MCU: variants seen among roughly 807,000 people sequenced by gnomAD.
The protein encoded by MCU is calcium uniporter protein, mitochondrial.
Under a neutral mutation model 45.2 loss-of-function variants are expected in MCU, and 12 were observed. The ratio of observed to expected loss-of-function variants is 0.27; its 90% confidence interval spans 0.17 to 0.43. The LOEUF is 0.43. Among genes scored for constraint, MCU ranks in the 20% least tolerant of loss-of-function variants. MCU has a pLI of 1.00. For synonymous variants in MCU, 160 were observed against 165.1 expected (o/e 0.97, Z 0.24); for missense variants, 324 against 436.7 (o/e 0.74, Z 2.30).
At chr10:72,702,777 G>C (rs1842773773) in intron 1 of MCU, among the ~76,000 whole-genome samples, 1 of 152,094 alleles carries the variant, frequency 6.6e-6, no homozygotes, top group African/African-American at 2.4e-5. Flanking sequence ...AGGAGCTCAA[G>C]ACCAGCCTGG....
rs368379082 is a variant in MCU at position 72,885,238 on chromosome 10, C to T, written c.979-507C>T. 3.3e-5 allele frequency among the ~76,000 whole-genome samples: 5 copies of T among 152,304 alleles called. 1 individual carries two copies. In the South Asian group the frequency reaches 6.2e-4, roughly 19 times the overall value. ...GCTTCAGTCTCACCCTAGGCTTGCTCGTTAGTCCAGCTCCTCCCGGGTGAA... is the reference window on the plus strand; with the variant it reads ...GCTTCAGTCTCACCCTAGGCTTGCTTGTTAGTCCAGCTCCTCCCGGGTGAA... On this transcript the variant is annotated intron_variant, in intron 7 of 7. Transcript: ENST00000373053.
chr10:72,883,625 A>C (rs1275908697), intron 6 of MCU, among the ~76,000 whole-genome samples: 1 of 152,196 alleles, frequency 6.6e-6, no homozygotes, highest in Admixed American at 6.5e-5. Context: ...AGCAGAAGAG[A>C]TAAATCCAGA....
At chr10:72,881,002 A>C (rs560034697) in intron 6 of MCU, among the ~76,000 whole-genome samples, 2 of 152,218 alleles carry the variant, frequency 1.3e-5, no homozygotes, top group Admixed American at 1.3e-4. Context: ...GGTGTCGTGC[A>C]CCTGTAGGTA....
intron 1 of MCU, among the ~76,000 whole-genome samples, chr10:72,822,805 T>C (rs1199326436): frequency 4.6e-5 from 7 of 151,610 alleles, no homozygotes; most frequent in South Asian, 2.1e-4. Context: ...TGTGCCACCA[T>C]ACTCAGCCTG....
chr10:72,776,189 AGAG>A (rs1843890736), intron 1 of MCU, among the ~76,000 whole-genome samples: 1 of 152,062 alleles, frequency 6.6e-6, no homozygotes. Context: ...AAAAAATTGA[AGAG>A]GAGATAATAC....
intron 1 of MCU, among the ~76,000 whole-genome samples, chr10:72,715,568 A>G (rs969088804): frequency 2.0e-5 from 3 of 152,208 alleles, no homozygotes; most frequent in East Asian, 1.9e-4. Flanking sequence ...TGGATGACCA[A>G]GGGTCTGTCT....
intron 7 of MCU, 154 bp downstream of exon 7, chr10:72,884,536 T>C (rs1439597932): frequency 1.8e-6 from 1 of 551,376 alleles, no homozygotes; most frequent in African/African-American, 1.9e-5. Flanking sequence ...ACAGTAACTA[T>C]TTTAGGCATG....
At chr10:72,715,186 A>G (rs1399453206) in intron 1 of MCU, 1 of 985,386 alleles carries the variant, frequency 1.0e-6, no homozygotes, top group Non-Finnish European at 1.2e-6. Flanking sequence ...TGCCAGTGAC[A>G]TCTTAGCTGC....
intron 1 of MCU, among the ~76,000 whole-genome samples, chr10:72,825,737 C>T (rs1844788475): frequency 6.6e-6 from 1 of 152,182 alleles, no homozygotes; most frequent in Admixed American, 6.5e-5. Flanking sequence ...TATGGTTGAA[C>T]TGTTTCTCTA....
At chr10:72,830,192 G>T (rs1438181480) in intron 1 of MCU, among the ~76,000 whole-genome samples, 1 of 152,178 alleles carries the variant, frequency 6.6e-6, no homozygotes, top group Non-Finnish European at 1.5e-5. Flanking sequence ...GGGGTATAGA[G>T]AGTAAGTAAA....
chr10:72,738,853 T>C lies in MCU; in HGVS notation c.150+46552T>C, dbSNP rs374103432. Among the ~76,000 whole-genome samples the C allele has an allele frequency of 1.2e-3, 184 of 152,366 alleles. 2 individuals carry two copies. Among genetic ancestry groups the C allele is most frequent in the South Asian group, 0.012 (57 of 4,830 alleles). On this transcript the variant is annotated intron_variant, in intron 1 of 7. Coordinates refer to ENST00000373053, the MANE Select transcript of MCU (RefSeq NM_138357.3). Reference sequence around the variant, plus strand: ...TGCTAGATTCCTGAGATGTGCCTTATGGTTCTCTGACTTTGTTCACATCTT... The same window carrying C: ...TGCTAGATTCCTGAGATGTGCCTTACGGTTCTCTGACTTTGTTCACATCTT...
intron 4 of MCU, among the ~76,000 whole-genome samples, chr10:72,864,670 G>A (rs1380905248): frequency 1.3e-5 from 2 of 152,140 alleles, no homozygotes; most frequent in Non-Finnish European, 2.9e-5. Context: ...AAGTTTTTGA[G>A]GTTTCAAAAG....
chr10:72,743,994 G>A (rs1368982806), intron 1 of MCU, among the ~76,000 whole-genome samples: 2 of 151,412 alleles, frequency 1.3e-5, no homozygotes, highest in East Asian at 3.9e-4. Flanking sequence ...TCATTTTCAT[G>A]TCTCTCCCTT....
chr10:72,710,984 C>T (rs533213812), intron 1 of MCU, among the ~76,000 whole-genome samples: 3 of 152,042 alleles, frequency 2.0e-5, no homozygotes, highest in Non-Finnish European at 2.9e-5. Context: ...TCAAGACCAG[C>T]CTGGCCAACA....
intron 2 of MCU, among the ~76,000 whole-genome samples, chr10:72,848,545 T>C (rs78462875): frequency 0.052 from 7,985 of 152,144 alleles, 696 homozygotes; most frequent in African/African-American, 0.18. Context: ...AGAGCCTTCA[T>C]GACCTAATCA....
intron 1 of MCU, among the ~76,000 whole-genome samples, chr10:72,792,731 A>G (rs1349981625): frequency 9.3e-6 from 1 of 107,468 alleles, no homozygotes; most frequent in Non-Finnish European, 1.8e-5. Context: ...TCTCCCCAAA[A>G]GGGGCTGCTT....
rs80355013 is a variant in MCU at position 72,885,583 on chromosome 10, G to A, written c.979-162G>A. ...GATTCACCCTTTGTTGTCCTATGCC[G>A]TGAGTTAAAATGCTTTGTCTTTCAA... On this transcript the variant is annotated intron_variant, in intron 7 of 7. Transcript: ENST00000373053. 2.6e-5 allele frequency among the ~76,000 whole-genome samples: 4 copies of A among 152,292 alleles called. No homozygotes were observed. In the East Asian group the frequency reaches 7.7e-4, roughly 29 times the overall value.
intron 1 of MCU, among the ~76,000 whole-genome samples, chr10:72,804,074 A>G (rs1273926152): frequency 1.5e-5 from 1 of 68,402 alleles, no homozygotes; most frequent in South Asian, 4.0e-4. Context: ...ATATATATAT[A>G]AAATAAGAGT....
intron 1 of MCU, among the ~76,000 whole-genome samples, chr10:72,801,706 C>A (rs1356026942): frequency 6.9e-6 from 1 of 143,950 alleles, no homozygotes; most frequent in East Asian, 2.0e-4. Flanking sequence ...CGGTCTCATT[C>A]TGTCACCCAG....
Sources: gnomAD v4.1 joint callset for allele counts (sites outside exome capture counted in the v4.1 genomes callset) on GRCh38, gnomAD v4.1.1 for gene constraint, MANE v1.5 for transcripts, NCBI Gene and HGNC (gene_info 2026-07-23, HGNC 2026-07-21) for gene names.